Variants in EPM2A observed in about 807,000 individuals in gnomAD.
EPM2A encodes the protein EPM2A glucan phosphatase, laforin.
Under a neutral mutation model 26.5 loss-of-function variants are expected in EPM2A, and 21 were observed. That is an observed-to-expected ratio of 0.79 (90% CI 0.56 to 1.14). The LOEUF (loss-of-function observed/expected upper bound fraction) is 1.14, where lower values mean the gene tolerates loss of function less well. Ranked by LOEUF, EPM2A falls within the 50% of genes most tolerant of loss-of-function variation. The pLI is 0.00. For missense variants in EPM2A, 458 were observed against 440.8 expected, an observed-to-expected ratio of 1.04 and a Z score of -0.35; for synonymous variants, 217 against 177.6, an observed-to-expected ratio of 1.22 and a Z score of -1.76.
chr6:145,584,440 C>G (rs972313523), intron 2 of EPM2A, among the ~76,000 whole-genome samples: 7 of 152,204 alleles, frequency 4.6e-5, no homozygotes, highest in African/African-American at 1.7e-4. Flanking sequence ...CTGCTCTGTA[C>G]AGTCTTCCAA....
At chr6:145,659,868 A>G (rs1778560015) in intron 2 of EPM2A, among the ~76,000 whole-genome samples, 1 of 152,196 alleles carries the variant, frequency 6.6e-6, no homozygotes. Context: ...GCTGTAATCA[A>G]TCCAGATGTT....
At chr6:145,461,421 GA>G (rs1275285679) in intron 4 of EPM2A, among the ~76,000 whole-genome samples, 1 of 152,314 alleles carries the variant, frequency 6.6e-6, no homozygotes, top group East Asian at 1.9e-4. Flanking sequence ...GAAAGCCACA[GA>G]AAAGTTTTGA....
chr6:145,526,919 T>C (rs1297927784), intron 2 of EPM2A, among the ~76,000 whole-genome samples: 1 of 152,072 alleles, frequency 6.6e-6, no homozygotes, highest in African/African-American at 2.4e-5. Flanking sequence ...TGCAGGTGTT[T>C]CGTGCTGTCA....
chr6:145,397,567 A>T (rs926701110), intron 4 of EPM2A, among the ~76,000 whole-genome samples: 2 of 152,214 alleles, frequency 1.3e-5, no homozygotes, highest in Non-Finnish European at 2.9e-5. Flanking sequence ...AGCTCTTCAA[A>T]GCTGTAGGCA....
At chr6:145,419,919 T>A (rs1778760426) in intron 4 of EPM2A, among the ~76,000 whole-genome samples, 1 of 152,152 alleles carries the variant, frequency 6.6e-6, no homozygotes, top group South Asian at 2.1e-4. Context: ...ATAGTTAATA[T>A]TTTAAAGAAA....
At chr6:145,521,796 G>T (rs557457903) in intron 2 of EPM2A, among the ~76,000 whole-genome samples, 1 of 152,314 alleles carries the variant, frequency 6.6e-6, no homozygotes, top group East Asian at 1.9e-4. Context: ...ATAAAAATAA[G>T]ATCTTGCAGG....
At chr6:145,395,321 G>A (rs947642017) in intron 4 of EPM2A, among the ~76,000 whole-genome samples, 3 of 152,072 alleles carry the variant, frequency 2.0e-5, no homozygotes, top group South Asian at 2.1e-4. Context: ...CCTACTCTGG[G>A]ACACCCAAAT....
At chr6:145,477,424 C>T (rs1779556178) in intron 4 of EPM2A, among the ~76,000 whole-genome samples, 1 of 151,776 alleles carries the variant, frequency 6.6e-6, no homozygotes, top group Admixed American at 6.6e-5. Flanking sequence ...CAAAGTCATT[C>T]TATGAGTCCA....
At chr6:145,720,172 C>G (rs1775876489) in intron 1 of EPM2A, among the ~76,000 whole-genome samples, 1 of 152,074 alleles carries the variant, frequency 6.6e-6, no homozygotes, top group African/African-American at 2.4e-5. Flanking sequence ...AAACTTCTAA[C>G]CACATTAAGT....
At chr6:145,459,201 G>A (rs1779298342) in intron 4 of EPM2A, among the ~76,000 whole-genome samples, 1 of 152,200 alleles carries the variant, frequency 6.6e-6, no homozygotes, top group Admixed American at 6.5e-5. Context: ...GGGGTCAGTG[G>A]ATGGGAAATT....
At chr6:145,603,799 A>C (rs989152746) in intron 2 of EPM2A, among the ~76,000 whole-genome samples, 6 of 152,180 alleles carry the variant, frequency 3.9e-5, no homozygotes, top group Non-Finnish European at 1.5e-5. Context: ...GAACTGATCT[A>C]TGCCATTAAC....
intron 2 of EPM2A, among the ~76,000 whole-genome samples, chr6:145,568,874 G>A (rs952982405): frequency 1.3e-5 from 2 of 152,208 alleles, no homozygotes; most frequent in South Asian, 2.1e-4. Context: ...ACAATAAGAC[G>A]CCTTGGATGG....
chr6:145,435,667 A>G (rs1778980603), intron 4 of EPM2A, among the ~76,000 whole-genome samples: 1 of 151,962 alleles, frequency 6.6e-6, no homozygotes, highest in Non-Finnish European at 1.5e-5. Context: ...TCTGTATAGC[A>G]ATGCAAAAAC....
In EPM2A at chr6:145,627,448, C is replaced by T; in HGVS notation, c.964G>A (p.Gly322Arg). Residue 322 changes from glycine (G) to arginine (R), a missense_variant, in exon 4 of 4, where the codon GGG becomes AGG. Gly to Arg is a moderately radical substitution (Grantham distance 125). Transcript: ENST00000367519. ...CTACACACAGAAGAACGAACCTTCCCAAATTTCTGGAAAAAATCTTCTTGT... is the reference window on the plus strand; with the variant it reads ...CTACACACAGAAGAACGAACCTTCCTAAATTTCTGGAAAAAATCTTCTTGT... The part of the protein sequence containing the change: ...RAQEDFFQKF[G>R]KVRSSVCSL 1.2e-6 allele frequency: 2 copies of T among 1,614,224 alleles called. No homozygotes were observed. The highest frequency in any genetic ancestry group is 1.7e-6 in the Non-Finnish European group (2 of 1,180,048).
intron 4 of EPM2A, among the ~76,000 whole-genome samples, chr6:145,430,493 C>T (rs994337530): frequency 4.0e-5 from 6 of 150,834 alleles, no homozygotes; most frequent in African/African-American, 7.3e-5. Flanking sequence ...TCCAGCTACT[C>T]GGGAGGCTGA....
chr6:145,491,645 A>G, intron 4 of EPM2A: 1 of 378,670 alleles, frequency 2.6e-6, no homozygotes, highest in Non-Finnish European at 5.2e-6. Context: ...ACAGGAAGGC[A>G]TGCTCTCACT....
At chr6:145,393,240 C>T (rs961750601) in intron 4 of EPM2A, among the ~76,000 whole-genome samples, 5 of 152,130 alleles carry the variant, frequency 3.3e-5, no homozygotes, top group African/African-American at 1.2e-4. Flanking sequence ...CTAAGACACT[C>T]ATTACCAGGA....
chr6:145,648,222 T>A (rs981272483), intron 2 of EPM2A, among the ~76,000 whole-genome samples: 42 of 152,230 alleles, frequency 2.8e-4, no homozygotes, highest in African/African-American at 1.0e-3. Flanking sequence ...CACTTTTTCT[T>A]CGACCTTAAG....
chr6:145,454,884 C>T (rs1006432117), intron 4 of EPM2A, among the ~76,000 whole-genome samples: 1 of 152,088 alleles, frequency 6.6e-6, no homozygotes, highest in East Asian at 1.9e-4. Flanking sequence ...TCTCCTTTGA[C>T]CTCGGTGAAA....
Sources: allele counts gnomAD v4.1 joint callset (sites outside exome capture counted in the v4.1 genomes callset), GRCh38; gene constraint gnomAD v4.1.1; transcripts MANE v1.5; gene names NCBI Gene and HGNC (gene_info 2026-07-23, HGNC 2026-07-21).